The following RPS6KC1 variants were observed in gnomAD, a reference collection of about 807,000 sequenced individuals.
RPS6KC1 encodes the protein inactive ribosomal protein S6 kinase delta-1.
In RPS6KC1, 54 loss-of-function variants were observed where a neutral mutation model predicts 103.8. That is an observed-to-expected ratio of 0.52 (90% CI 0.42 to 0.65). The LOEUF (loss-of-function observed/expected upper bound fraction) is 0.65. Ranked by LOEUF, RPS6KC1 falls within the 30% of genes least tolerant of loss-of-function variation. RPS6KC1 has a pLI of 0.00. For missense variants in RPS6KC1, 1,151 were observed against 1,253.8 expected (o/e 0.92, Z 1.24); for synonymous variants, 439 against 438.7 (o/e 1.00, Z -0.01).
chr1:213,362,095 G>A, the RPS6KC1 span, among the ~76,000 whole-genome samples: 103 of 152,260 alleles, frequency 6.8e-4, no homozygotes, highest in African/African-American at 2.4e-3. Flanking sequence ...CCTGGATCAG[G>A]GATGTCAGGT....
the RPS6KC1 span, among the ~76,000 whole-genome samples, chr1:213,699,126 GC>G: frequency 1.3e-5 from 2 of 151,960 alleles, no homozygotes; most frequent in Non-Finnish European, 2.9e-5. Context: ...ATCCGGTTGT[GC>G]TATCAAACAT....
chr1:213,510,323 ACTT>A, the RPS6KC1 span, among the ~76,000 whole-genome samples: 7 of 152,076 alleles, frequency 4.6e-5, no homozygotes, highest in African/African-American at 1.7e-4. Flanking sequence ...CAAATGCCTG[ACTT>A]CTTTTATCCA....
At chr1:213,819,815 C>T in the RPS6KC1 span, 2 of 152,086 alleles carry the variant, frequency 1.3e-5, no homozygotes, top group Non-Finnish European at 2.9e-5. Context: ...GAGCTTGAGA[C>T]CTTATCATTT....
At chr1:213,068,871 ATATGTGTGTG>A (rs1262896077) in intron 1 of RPS6KC1, among the ~76,000 whole-genome samples, 1 of 93,738 alleles carries the variant, frequency 1.1e-5, no homozygotes, top group African/African-American at 4.1e-5. Context: ...AAAAGTGTAT[ATATGTGTGTG>A]TGTGTGTGTG....
chr1:213,201,363 T>C (rs1168627751), intron 8 of RPS6KC1, among the ~76,000 whole-genome samples: 1 of 152,170 alleles, frequency 6.6e-6, no homozygotes, highest in African/African-American at 2.4e-5. Flanking sequence ...TGAAGAAGCT[T>C]TATATTATAT....
chr1:213,650,127 G>A, the RPS6KC1 span, among the ~76,000 whole-genome samples: 2 of 152,098 alleles, frequency 1.3e-5, no homozygotes, highest in African/African-American at 2.4e-5. Context: ...ATACATCCAG[G>A]CGCTCCCTAT....
chr1:213,536,512 G>A, the RPS6KC1 span, among the ~76,000 whole-genome samples: 2 of 151,516 alleles, frequency 1.3e-5, no homozygotes, highest in Non-Finnish European at 2.9e-5. Context: ...CAGTGCCTAG[G>A]ACAACACCTG....
chr1:213,129,782 CAGG>C lies in RPS6KC1; in HGVS notation c.731_733del (p.Gly244del). 1 of 1,613,954 alleles carries C rather than the reference CAGG, an allele frequency of 6.2e-7. No homozygotes were observed. Among genetic ancestry groups the C allele is most frequent in the Non-Finnish European group, 8.5e-7 (1 of 1,179,966 alleles). On this transcript the variant is annotated inframe_deletion, in exon 6 of 15. Coordinates refer to ENST00000366960, the MANE Select transcript of RPS6KC1 (RefSeq NM_012424.6). Reference sequence around the variant, plus strand: ...GGCAAGAGAGATTATTTGGAGAAAGCAGGAGAATTAATAAAGCTGGCTTTAAAA... The same window carrying C: ...GGCAAGAGAGATTATTTGGAGAAAGCAGAATTAATAAAGCTGGCTTTAAAA...
the RPS6KC1 span, among the ~76,000 whole-genome samples, chr1:213,551,038 C>T: frequency 6.6e-6 from 1 of 152,170 alleles, no homozygotes; most frequent in Non-Finnish European, 1.5e-5. Context: ...CCAGGTTGGG[C>T]TCTGGCAGCA....
chr1:213,360,413 CCTTTAAAGA>C, the RPS6KC1 span, among the ~76,000 whole-genome samples: 2 of 152,146 alleles, frequency 1.3e-5, no homozygotes, highest in South Asian at 4.1e-4. Flanking sequence ...TCCATCAGGT[CCTTTAAAGA>C]CTTCTCTGCA....
At chr1:213,142,558 A>T (rs759462076) in intron 6 of RPS6KC1, among the ~76,000 whole-genome samples, 2 of 151,950 alleles carry the variant, frequency 1.3e-5, no homozygotes, top group Non-Finnish European at 2.9e-5. Context: ...TTTCAGGTGG[A>T]TGAAAGTTTG....
chr1:213,310,430 T>C, the RPS6KC1 span, among the ~76,000 whole-genome samples: 2 of 152,186 alleles, frequency 1.3e-5, no homozygotes, highest in South Asian at 4.1e-4. Flanking sequence ...TTCCTGCTCA[T>C]GGCCTTTGCA....
the RPS6KC1 span, among the ~76,000 whole-genome samples, chr1:213,754,532 A>T: frequency 6.6e-6 from 1 of 152,066 alleles, no homozygotes; most frequent in Non-Finnish European, 1.5e-5. Flanking sequence ...TTCTCAAGAG[A>T]TCTGGTTGTT....
At chr1:213,160,275 A>C (rs1049333518) in intron 6 of RPS6KC1, among the ~76,000 whole-genome samples, 4 of 152,252 alleles carry the variant, frequency 2.6e-5, no homozygotes, top group Admixed American at 6.5e-5. Context: ...TCAAAATTAT[A>C]ACTGTCAAAC....
chr1:213,442,467 A>G, the RPS6KC1 span, among the ~76,000 whole-genome samples: 9 of 152,190 alleles, frequency 5.9e-5, no homozygotes, highest in African/African-American at 2.2e-4. Flanking sequence ...TTTTAGGGGT[A>G]GAAAACTTGG....
At chr1:213,557,355 T>C in the RPS6KC1 span, among the ~76,000 whole-genome samples, 19 of 152,200 alleles carry the variant, frequency 1.2e-4, no homozygotes, top group Admixed American at 9.2e-4. Flanking sequence ...AAAGTCTCCA[T>C]GCTGGCTACA....
chr1:213,073,411 C>T (rs2079043432), intron 2 of RPS6KC1, among the ~76,000 whole-genome samples: 1 of 152,148 alleles, frequency 6.6e-6, no homozygotes. Context: ...CCTAAGAATG[C>T]TAAAAGATCT....
intron 6 of RPS6KC1, among the ~76,000 whole-genome samples, chr1:213,138,237 A>G (rs1392504705): frequency 6.6e-6 from 1 of 151,850 alleles, no homozygotes; most frequent in Non-Finnish European, 1.5e-5. Flanking sequence ...ATTTATGTAC[A>G]GGCTTACCTT....
chr1:213,483,234 A>G, the RPS6KC1 span, among the ~76,000 whole-genome samples: 1 of 152,202 alleles, frequency 6.6e-6, no homozygotes, highest in Non-Finnish European at 1.5e-5. Context: ...TCATGAGAAC[A>G]GCATGAGGGT....
Sources: allele counts gnomAD v4.1 joint callset (sites outside exome capture counted in the v4.1 genomes callset), GRCh38; gene constraint gnomAD v4.1.1; transcripts MANE v1.5; gene names NCBI Gene and HGNC (gene_info 2026-07-23, HGNC 2026-07-21).